The following FHIT variants were observed in gnomAD, a reference collection of about 807,000 sequenced individuals.
FHIT encodes bis(5'-adenosyl)-triphosphatase.
In FHIT, 19 loss-of-function variants were observed where a neutral mutation model predicts 17.9. That is an observed-to-expected ratio of 1.06 (90% CI 0.74 to 1.56). The LOEUF (loss-of-function observed/expected upper bound fraction) is 1.56, where lower values mean the gene tolerates loss of function less well. FHIT is among the 40% of genes most tolerant of loss of function. The pLI is 0.00. For missense variants in FHIT, 248 were observed against 189.2 expected (o/e 1.31, Z -1.82); for synonymous variants, 81 against 69.7 (o/e 1.16, Z -0.81).
intron 3 of FHIT, among the ~76,000 whole-genome samples, chr3:60,902,508 T>C (rs1446675876): frequency 6.6e-6 from 1 of 152,198 alleles, no homozygotes; most frequent in Non-Finnish European, 1.5e-5. Flanking sequence ...CCTGATCAAA[T>C]AACATATTCA....
intron 5 of FHIT, among the ~76,000 whole-genome samples, chr3:60,236,758 C>T (rs1704820260): frequency 6.6e-6 from 1 of 152,040 alleles, no homozygotes; most frequent in African/African-American, 2.4e-5. Context: ...GTAAAAAATT[C>T]AAACCATATA....
intron 5 of FHIT, among the ~76,000 whole-genome samples, chr3:60,493,932 C>G (rs986084264): frequency 4.6e-5 from 7 of 152,140 alleles, no homozygotes; most frequent in African/African-American, 1.7e-4. Context: ...TTGGTTAAGA[C>G]TTTGCATTAG....
At chr3:61,070,124 C>T (rs2034753643) in intron 2 of FHIT, among the ~76,000 whole-genome samples, 1 of 152,104 alleles carries the variant, frequency 6.6e-6, no homozygotes, top group Non-Finnish European at 1.5e-5. Flanking sequence ...AAACTCCTGA[C>T]CTCAAATGAT....
chr3:59,944,207 A>G lies in FHIT; in HGVS notation c.280-21793T>C, dbSNP rs1456160392. ...ATGCTGACATAGTTTATAAAATATAACATACCTATAGTACAATATCAAACC... is the reference window on the plus strand; with the variant it reads ...ATGCTGACATAGTTTATAAAATATAGCATACCTATAGTACAATATCAAACC... On this transcript the variant is annotated intron_variant, in intron 7 of 9. Transcript: ENST00000492590. 2.0e-5 allele frequency among the ~76,000 whole-genome samples: 3 copies of G among 152,338 alleles called. No individual in the cohort carries two copies. In the East Asian group the frequency reaches 5.8e-4, roughly 29 times the overall value.
chr3:60,005,462 G>A lies in FHIT; in HGVS notation c.279+5909C>T, dbSNP rs145363800. 1.6e-3 allele frequency among the ~76,000 whole-genome samples: 249 copies of A among 152,208 alleles called. 2 individuals are homozygous for A. The highest frequency in any genetic ancestry group is 5.8e-3 in the African/African-American group (241 of 41,532). On this transcript the variant is annotated intron_variant, in intron 7 of 9. Transcript: ENST00000492590. ...CTCAAATCACCAGGAGCGGGAGAGG[G>A]AGGGGAAGTCAGAGATATTTACATG...
intron 7 of FHIT, among the ~76,000 whole-genome samples, chr3:59,936,866 A>T (rs1005204491): frequency 6.6e-6 from 1 of 152,190 alleles, no homozygotes; most frequent in Non-Finnish European, 1.5e-5. Flanking sequence ...AATAAAAGTG[A>T]TAAGAAACCT....
chr3:60,598,521 T>C (rs973167807), intron 4 of FHIT, among the ~76,000 whole-genome samples: 9 of 152,160 alleles, frequency 5.9e-5, no homozygotes, highest in Non-Finnish European at 1.2e-4. Flanking sequence ...TAATCTTCCA[T>C]GTTGTTGCAA....
chr3:60,591,466 C>G (rs1467635656), intron 4 of FHIT, among the ~76,000 whole-genome samples: 1 of 152,064 alleles, frequency 6.6e-6, no homozygotes, highest in Non-Finnish European at 1.5e-5. Flanking sequence ...TAGTTCCAAG[C>G]AAAGTCCCCA....
intron 7 of FHIT, among the ~76,000 whole-genome samples, chr3:59,947,916 G>A (rs1292049851): frequency 6.6e-6 from 1 of 152,092 alleles, no homozygotes; most frequent in Non-Finnish European, 1.5e-5. Flanking sequence ...TTTTAAAGTG[G>A]GCTTTTGTCA....
intron 8 of FHIT, among the ~76,000 whole-genome samples, chr3:59,806,314 G>T (rs1425044187): frequency 1.3e-5 from 2 of 152,140 alleles, no homozygotes; most frequent in Admixed American, 1.3e-4. Flanking sequence ...CCTCACAATG[G>T]TTCTAATTTT....
At chr3:60,047,630 G>A (rs978439311) in intron 5 of FHIT, among the ~76,000 whole-genome samples, 2 of 152,188 alleles carry the variant, frequency 1.3e-5, no homozygotes, top group African/African-American at 2.4e-5. Context: ...GTGAAACTAT[G>A]ACAACCAGAA....
intron 8 of FHIT, among the ~76,000 whole-genome samples, chr3:59,919,443 T>C (rs1705299314): frequency 6.6e-6 from 1 of 152,212 alleles, no homozygotes; most frequent in African/African-American, 2.4e-5. Flanking sequence ...CTTCAGATAT[T>C]TGGAAACAGT....
chr3:60,983,152 TG>T (rs1454678253), intron 3 of FHIT, among the ~76,000 whole-genome samples: 8 of 152,058 alleles, frequency 5.3e-5, no homozygotes, highest in African/African-American at 1.7e-4. Context: ...TGTGTGTGTG[TG>T]TGTGTGTGTG....
chr3:59,928,732 C>T (rs1456979469), intron 7 of FHIT, among the ~76,000 whole-genome samples: 1 of 152,168 alleles, frequency 6.6e-6, no homozygotes, highest in East Asian at 1.9e-4. Context: ...TGCGGCGGCT[C>T]ACGCCTGTAA....
At chr3:59,824,245 C>T (rs7624854) in intron 8 of FHIT, among the ~76,000 whole-genome samples, 3,958 of 151,822 alleles carry the variant, frequency 0.026, 165 homozygotes, top group African/African-American at 0.089. Context: ...TACAGAAGGA[C>T]GGAGGGAGGT....
At chr3:60,176,025 T>C (rs925361490) in intron 5 of FHIT, among the ~76,000 whole-genome samples, 11 of 152,180 alleles carry the variant, frequency 7.2e-5, no homozygotes, top group Admixed American at 1.3e-4. Flanking sequence ...GTTTTAAATA[T>C]CATTGAGTTA....
At chr3:60,988,331 G>C (rs2029875169) in intron 3 of FHIT, among the ~76,000 whole-genome samples, 1 of 152,168 alleles carries the variant, frequency 6.6e-6, no homozygotes, top group African/African-American at 2.4e-5. Flanking sequence ...TTGTGTGATA[G>C]GGTACCTACC....
chr3:60,682,034 C>T (rs1193811653), intron 4 of FHIT, among the ~76,000 whole-genome samples: 13 of 150,664 alleles, frequency 8.6e-5, no homozygotes, highest in South Asian at 8.4e-4. Flanking sequence ...TGCAATGGTG[C>T]GATCTCAGCT....
chr3:59,943,879 C>A (rs1335042345), intron 7 of FHIT, among the ~76,000 whole-genome samples: 1 of 152,166 alleles, frequency 6.6e-6, no homozygotes, highest in Non-Finnish European at 1.5e-5. Flanking sequence ...TGACTGCTAC[C>A]TGGAGCAAAT....
Sources: gnomAD v4.1 joint callset for allele counts (sites outside exome capture counted in the v4.1 genomes callset) on GRCh38, gnomAD v4.1.1 for gene constraint, MANE v1.5 for transcripts, NCBI Gene and HGNC (gene_info 2026-07-23, HGNC 2026-07-21) for gene names.